The following UBN2 variants were observed in gnomAD, a reference collection of about 807,000 sequenced individuals.
UBN2 encodes the protein ubinuclein 2, also known as ubinuclein-2.
In UBN2, 35 loss-of-function variants were observed where a neutral mutation model predicts 120.2. The observed-to-expected ratio is 0.29, with a 90% CI of 0.22 to 0.39. The LOEUF is 0.39. Ranked by LOEUF, UBN2 falls within the 10% of genes least tolerant of loss-of-function variation. UBN2 has a pLI of 1.00. For synonymous variants in UBN2, 661 were observed against 648.7 expected (o/e 1.02, Z -0.29); for missense variants, 1,693 against 1,663.2 (o/e 1.02, Z -0.31).
chr7:139,288,122 A>C (rs1186954815), intron 15 of UBN2, among the ~76,000 whole-genome samples: 1 of 152,086 alleles, frequency 6.6e-6, no homozygotes, highest in African/African-American at 2.4e-5. Context: ...TCATTAAGCA[A>C]ATGTTTATTG....
intron 11 of UBN2, among the ~76,000 whole-genome samples, chr7:139,275,439 C>A (rs1451128613): frequency 6.7e-6 from 1 of 148,278 alleles, no homozygotes; most frequent in Admixed American, 6.7e-5. Context: ...AAAAATTAGC[C>A]GGGCATGGTG....
intron 6 of UBN2, among the ~76,000 whole-genome samples, chr7:139,265,365 C>T (rs1295704655): frequency 6.6e-6 from 1 of 152,046 alleles, no homozygotes; most frequent in Admixed American, 6.5e-5. Context: ...GTAGTCCCAG[C>T]TACTTGGGAG....
In UBN2 at chr7:139,240,936, C is replaced by T. The variant is rs137910687; in HGVS notation, c.561+3839C>T. ...GTCCAAGTTTTGACATTTCTACAAC[C>T]GTATAGGCTCCAGATTCGTCTTGAT... On this transcript the variant is annotated intron_variant, in intron 2 of 17. Transcript: ENST00000473989. Among the ~76,000 whole-genome samples, 7 of 152,270 alleles carry T rather than the reference C, an allele frequency of 4.6e-5. No homozygotes were observed. The East Asian group carries it at 7.7e-4, about 17-fold the overall frequency.
intron 5 of UBN2, 89 bp from the exon 6 acceptor site, chr7:139,261,163 T>G: frequency 1.4e-6 from 2 of 1,437,028 alleles, no homozygotes; most frequent in Non-Finnish European, 1.9e-6. Flanking sequence ...CCTGTCAAAT[T>G]ATTATTTTAA....
chr7:139,272,056 A>G (rs995058355), intron 8 of UBN2, among the ~76,000 whole-genome samples: 12 of 152,330 alleles, frequency 7.9e-5, no homozygotes, highest in Non-Finnish European at 1.6e-4. Flanking sequence ...CATTTTGAAG[A>G]GTGTAATGGA....
At chr7:139,241,975 C>A (rs74791651) in intron 2 of UBN2, among the ~76,000 whole-genome samples, 12,184 of 151,840 alleles carry the variant, frequency 0.08, 874 homozygotes, top group Admixed American at 0.21. Context: ...TCCAGCCTGG[C>A]GACAAGAGCG....
At chr7:139,268,759 A>G (rs1011238824) in intron 7 of UBN2, among the ~76,000 whole-genome samples, 1 of 152,350 alleles carries the variant, frequency 6.6e-6, no homozygotes, top group Non-Finnish European at 1.5e-5. Flanking sequence ...CTTTGAGGAA[A>G]GGAGCTTTTG....
chr7:139,271,954 T>G (rs1011441305), intron 8 of UBN2, among the ~76,000 whole-genome samples: 3 of 152,182 alleles, frequency 2.0e-5, no homozygotes, highest in Non-Finnish European at 4.4e-5. Flanking sequence ...GGTACTGGTT[T>G]CCCATCACAA....
At position 139,306,000 on chromosome 7, in the gene UBN2, G is replaced by T. The variant is rs558258629; in HGVS notation, c.*8164G>T. The T allele has an allele frequency of 1.1e-4, 16 of 152,142 alleles. No individual in the cohort carries two copies. The East Asian group carries it at 2.9e-3, about 27-fold the overall frequency. The allele number at this position is 152,142 out of a possible 1,614,324, so 9.4% of individuals were successfully genotyped here. ...TCACAAAATTTTCTACACATTATTT[G>T]TTCCCACTTTGCTAATAATAATATA... On this transcript the variant is annotated 3_prime_UTR_variant, in exon 18 of 18. Coordinates refer to ENST00000473989, the MANE Select transcript of UBN2 (RefSeq NM_173569.4).
the UBN2 span, among the ~76,000 whole-genome samples, chr7:139,320,816 A>C: frequency 4.6e-5 from 7 of 151,578 alleles, no homozygotes; most frequent in African/African-American, 1.7e-4. Context: ...AGATCATGCC[A>C]CTGCACTCCA....
intron 12 of UBN2, among the ~76,000 whole-genome samples, chr7:139,278,980 T>A (rs995708474): frequency 6.6e-6 from 1 of 152,112 alleles, no homozygotes; most frequent in African/African-American, 2.4e-5. Context: ...TTAAGTTAAA[T>A]CTCATTCACA....
At chr7:139,255,692 T>C (rs147596185) in intron 3 of UBN2, among the ~76,000 whole-genome samples, 1 of 152,314 alleles carries the variant, frequency 6.6e-6, no homozygotes, top group African/African-American at 2.4e-5. Flanking sequence ...ATGATTCTTG[T>C]TCTTTTCATT....
In UBN2 at chr7:139,231,715, C is replaced by G; in HGVS notation, c.231C>G (p.Val77=). The stretch of plus-strand genomic sequence containing the variant: ...AGAAGCCGCTCCCCCAGCGCGAGGT[C>G]AGCCGCGCCGAGCCGCCCATGTCGC... ...SREKPLPQRE[V]SRAEPPMSLQ... Residue 77 remains valine, a synonymous_variant, in exon 1 of 18, where the codon GTC becomes GTG. Transcript: ENST00000473989. 2.5e-6 allele frequency: 3 copies of G among 1,180,580 alleles called. No individual in the cohort carries two copies. Among genetic ancestry groups the G allele is most frequent in the Non-Finnish European group, 3.1e-6 (3 of 958,322 alleles). 73.1% of individuals were successfully genotyped at this position (1,180,580 alleles called of 1,614,324 possible). A position where few individuals can be genotyped will look rare whatever the true frequency, so the allele number is the denominator to read the frequency against.
At position 139,267,165 on chromosome 7, in the gene UBN2, G is replaced by A. The variant is rs199723159; in HGVS notation, c.1466+762G>A. 2.0e-5 allele frequency among the ~76,000 whole-genome samples: 3 copies of A among 152,168 alleles called. No individual in the cohort carries two copies. In the East Asian group the frequency reaches 5.8e-4, roughly 29 times the overall value. On this transcript the variant is annotated intron_variant, in intron 7 of 17. Transcript: ENST00000473989. Reference sequence around the variant, plus strand: ...CAAAAAAGTAATCATGAGGAAAATAGCAAATTTTAGCCCTCTCTGGTGAAA... The same window carrying A: ...CAAAAAAGTAATCATGAGGAAAATAACAAATTTTAGCCCTCTCTGGTGAAA...
intron 3 of UBN2, among the ~76,000 whole-genome samples, chr7:139,253,988 C>CATTTG (rs1796689636): frequency 6.6e-6 from 1 of 152,164 alleles, no homozygotes; most frequent in Non-Finnish European, 1.5e-5. Flanking sequence ...TTCTGTCAAA[C>CATTTG]TCCTAAGTTA....
intron 5 of UBN2, among the ~76,000 whole-genome samples, chr7:139,259,651 C>A (rs1427538766): frequency 6.6e-6 from 1 of 152,154 alleles, no homozygotes; most frequent in Non-Finnish European, 1.5e-5. Flanking sequence ...AAAAACTGTT[C>A]TAATCTTTTG....
At chr7:139,329,220 T>A in the UBN2 span, among the ~76,000 whole-genome samples, 1 of 151,368 alleles carries the variant, frequency 6.6e-6, no homozygotes, top group African/African-American at 2.4e-5. Flanking sequence ...ATAAGACTTG[T>A]TTCTTCTTTT....
chr7:139,232,485 C>G lies in UBN2; in HGVS notation c.468+533C>G, dbSNP rs146227325. Among the ~76,000 whole-genome samples, 45 of 152,294 alleles carry G rather than the reference C, an allele frequency of 3.0e-4. 1 individual carries two copies. The East Asian group carries it at 8.5e-3, about 29-fold the overall frequency. On this transcript the variant is annotated intron_variant, in intron 1 of 17. Transcript: ENST00000473989. ...GTGCTTGCGTGCCTGTGATATTTTTCTTAATCGAAGGGAATTTAAGAATAA... is the reference window on the plus strand; with the variant it reads ...GTGCTTGCGTGCCTGTGATATTTTTGTTAATCGAAGGGAATTTAAGAATAA...
the UBN2 span, among the ~76,000 whole-genome samples, chr7:139,318,682 C>A: frequency 6.6e-6 from 1 of 151,898 alleles, no homozygotes; most frequent in Admixed American, 6.6e-5. Flanking sequence ...AAATTTGAGG[C>A]CTGGATTTAA....
Sources: gnomAD v4.1 joint callset for allele counts (sites outside exome capture counted in the v4.1 genomes callset) on GRCh38, gnomAD v4.1.1 for gene constraint, MANE v1.5 for transcripts, NCBI Gene and HGNC (gene_info 2026-07-23, HGNC 2026-07-21) for gene names.